ARHGEF1: variants seen among roughly 807,000 people sequenced by gnomAD.
The protein encoded by ARHGEF1 is Rho guanine nucleotide exchange factor 1, also known as 115 kDa guanine nucleotide exchange factor.
Under a neutral mutation model 119.7 loss-of-function variants are expected in ARHGEF1, and 40 were observed. The observed-to-expected ratio is 0.33, with a 90% confidence interval of 0.26 to 0.44. The LOEUF (loss-of-function observed/expected upper bound fraction) is 0.44. Among genes scored for constraint, ARHGEF1 ranks in the 20% least tolerant of loss-of-function variants. ARHGEF1 has a pLI of 1.00. For synonymous variants in ARHGEF1, 494 were observed against 521.0 expected, an observed-to-expected ratio of 0.95 and a Z score of 0.71; for missense variants, 976 against 1,268.3, an observed-to-expected ratio of 0.77 and a Z score of 3.50.
chr19:41,905,525 A>C lies in ARHGEF1; in HGVS notation c.2337-235A>C, dbSNP rs767130033. 5 of 615,022 alleles carry C rather than the reference A, an allele frequency of 8.1e-6. No individual in the cohort carries two copies. The Admixed American group carries it at 1.5e-4, about 18-fold the overall frequency. 38.1% of individuals were successfully genotyped at this position (615,022 alleles called of 1,614,324 possible). ...TGTGCATGCGTGTGACAGCATGTGC[A>C]TGCATGTGTGTGTGTGTGCGCATGT... On this transcript the variant is annotated intron_variant, in intron 24 of 28. Transcript: ENST00000354532. This position sits in a 1 kb window ranked among gnomAD's most constrained non-coding sequence, Gnocchi z 6.4.
chr19:41,898,046 T>A, intron 13 of ARHGEF1: 1 of 1,340,508 alleles, frequency 7.5e-7, no homozygotes, highest in East Asian at 3.0e-5. Flanking sequence ...TGGGGGCCGC[T>A]CCCGGAGCGA....
chr19:41,906,900 T>G lies in ARHGEF1; in HGVS notation c.*17+97T>G. ...AGCCCCTTCTGTCCATCTCCCTCTT[T>G]GTCTTTTCTGAATCTCCCCACTCCA... On this transcript the variant is annotated intron_variant, in intron 28 of 28. Transcript: ENST00000354532. The surrounding 1 kb of genome is among the most constrained non-coding windows in gnomAD (Gnocchi z 4.5). 1 of 1,050,776 alleles carries G rather than the reference T, an allele frequency of 9.5e-7. No homozygotes were observed. 65.1% of individuals were successfully genotyped at this position (1,050,776 alleles called of 1,614,324 possible).
At chr19:41,908,124 TG>T, downstream of ARHGEF1, 1 of 920,486 alleles carries the variant, frequency 1.1e-6, no homozygotes, top group Non-Finnish European at 1.4e-6. This position sits in a 1 kb window ranked among gnomAD's most constrained non-coding sequence, Gnocchi z 6.7. Flanking sequence ...TGCCCAGACC[TG>T]GGAGGTGCTG....
intron 1 of ARHGEF1, among the ~76,000 whole-genome samples, chr19:41,886,490 A>G (rs1555845277): frequency 6.6e-6 from 1 of 152,036 alleles, no homozygotes; most frequent in East Asian, 1.9e-4. Context: ...TGTGTTCCCC[A>G]GGCTGGTCTC....
intron 1 of ARHGEF1, among the ~76,000 whole-genome samples, chr19:41,927,064 T>C (rs1484943410): frequency 3.3e-5 from 5 of 149,266 alleles, no homozygotes; most frequent in South Asian, 2.1e-4. Context: ...GTCTTAAGAG[T>C]TGGACCCAAA....
In ARHGEF1 at chr19:41,901,892, C is replaced by T. The variant is rs1555849065; in HGVS notation, c.1273C>T (p.Leu425=). The T allele has an allele frequency of 6.2e-7, 1 of 1,610,092 alleles. No individual in the cohort carries two copies. Among genetic ancestry groups the T allele is most frequent in the Middle Eastern group, 1.9e-4 (1 of 5,398 alleles). Reference sequence around the variant, plus strand: ...CTGCTTTGGTGGCCCTGCAGAGCTGCTGGTGACAGAGGCGGCCCACGTGCG... The same window carrying T: ...CTGCTTTGGTGGCCCTGCAGAGCTGTTGGTGACAGAGGCGGCCCACGTGCG... The part of the protein sequence containing the change: ...VKRQEVISEL[L]VTEAAHVRML... Residue 425 remains leucine (L), a synonymous_variant, in exon 15 of 29, where the codon CTG becomes TTG. Coordinates refer to ENST00000354532, the MANE Select transcript of ARHGEF1 (RefSeq NM_004706.4).
chr19:41,912,112 C>G (rs906398301), downstream of ARHGEF1, among the ~76,000 whole-genome samples: 1 of 152,172 alleles, frequency 6.6e-6, no homozygotes, highest in East Asian at 1.9e-4. Context: ...GCCCCCATCC[C>G]AAAATGCGGA....
rs376080250 is a variant in ARHGEF1, at chr19:41,906,448, C to T, written c.2492-9C>T. The T allele has an allele frequency of 1.0e-5, 16 of 1,551,674 alleles. No individual in the cohort carries two copies. The highest frequency in any genetic ancestry group is 1.4e-5 in the Non-Finnish European group (16 of 1,155,470). ...TCTCCTGACTCCACCCCTCCTTGCC[C>T]CTGGCCAGTGCTGTCCCTGAAGCAG... On this transcript the variant is annotated splice_polypyrimidine_tract_variant and intron_variant, in intron 26 of 28. Transcript: ENST00000354532. The surrounding 1 kb of genome is among the most constrained non-coding windows in gnomAD (Gnocchi z 4.5).
In ARHGEF1 at chr19:41,905,716, C is replaced by G. The variant is rs2074682954; in HGVS notation, c.2337-44C>G. Reference sequence around the variant, plus strand: ...TCTGTCTCCCTGCCCCTGCGGCCCCCCAGGGCCAGGGGTGTGGGGTCACCC... The same window carrying G: ...TCTGTCTCCCTGCCCCTGCGGCCCCGCAGGGCCAGGGGTGTGGGGTCACCC... On this transcript the variant is annotated intron_variant, in intron 24 of 28. Coordinates refer to ENST00000354532, the MANE Select transcript of ARHGEF1 (RefSeq NM_004706.4). The surrounding 1 kb of genome is among the most constrained non-coding windows in gnomAD (Gnocchi z 6.4). The G allele has an allele frequency of 1.2e-6, 2 of 1,604,368 alleles. No homozygotes were observed. The highest frequency in any genetic ancestry group is 4.5e-5 in the East Asian group (2 of 44,810).
upstream of ARHGEF1, among the ~76,000 whole-genome samples, chr19:41,921,596 G>A (rs1555852497): frequency 6.6e-6 from 1 of 152,088 alleles, no homozygotes; most frequent in African/African-American, 2.4e-5. The surrounding 1 kb of genome is among the most constrained non-coding windows in gnomAD (Gnocchi z 4.4). Flanking sequence ...TTAGAAAGCT[G>A]GAGGTCACGG....
chr19:41,929,089 G>A (rs1167396910), intron 2 of ARHGEF1: 1 of 316,660 alleles, frequency 3.2e-6, no homozygotes, highest in African/African-American at 2.2e-5. Flanking sequence ...GCACACACAT[G>A]CGGACCGTAA....
chr19:41,906,119 C>T lies in ARHGEF1; in HGVS notation c.2491+94C>T, dbSNP rs1018697966. 3.4e-5 allele frequency: 43 copies of T among 1,247,622 alleles called. No individual in the cohort carries two copies. The South Asian group carries it at 4.8e-4, about 14-fold the overall frequency. The allele number at this position is 1,247,622 out of a possible 1,614,324, so 77.3% of individuals were successfully genotyped here. ...GCTCTCCACGTCAAAAATTTCCTTA[C>T]GCCCAGCTGCCAGAAAACAAATGCT... is the stretch of plus-strand genomic sequence containing the variant. On this transcript the variant is annotated intron_variant, in intron 26 of 28. Transcript: ENST00000354532. The surrounding 1 kb of genome is among the most constrained non-coding windows in gnomAD (Gnocchi z 4.5).
intron 1 of ARHGEF1, among the ~76,000 whole-genome samples, chr19:41,884,187 G>A (rs1199186937): frequency 6.6e-6 from 1 of 152,202 alleles, no homozygotes; most frequent in Non-Finnish European, 1.5e-5. Context: ...GCGGGGCGGG[G>A]CCCGGGGAGT....
chr19:41,902,315 G>T lies in ARHGEF1; in HGVS notation c.1456G>T (p.Gly486Cys), dbSNP rs1233523618. The change falls in exon 16 of 29, where the codon GGC (glycine) becomes TGC (cysteine). Residue 486 changes from glycine to cysteine, a missense_variant. Gly to Cys is a radical substitution (Grantham distance 159). Around this residue, in one of 3 missense-constraint regions of ARHGEF1, gnomAD observed 286 missense variants for 506.8 expected, o/e 0.56. Coordinates refer to ENST00000354532, the MANE Select transcript of ARHGEF1 (RefSeq NM_004706.4). The surrounding 1 kb of genome is among the most constrained non-coding windows in gnomAD (Gnocchi z 6.5). ...CCTGATGAAGCGGAGGCAGGAGAGT[G>T]GCTACCTCATCGAGGAGATCGGAGA... is the stretch of plus-strand genomic sequence containing the variant. ...DRLMKRRQES[G>C]YLIEEIGDVL... 2.5e-6 allele frequency: 4 copies of T among 1,614,040 alleles called. No homozygotes were observed. The African/African-American group carries it at 4.0e-5, about 16-fold the overall frequency.
At chr19:41,908,401 G>A (rs901377675), downstream of ARHGEF1, 130 of 1,231,146 alleles carry the variant, frequency 1.1e-4, no homozygotes, top group Non-Finnish European at 1.2e-4. This position sits in a 1 kb window ranked among gnomAD's most constrained non-coding sequence, Gnocchi z 6.7. Flanking sequence ...AGCGCCAGGC[G>A]AGGGGCCGCT....
intron 14 of ARHGEF1, among the ~76,000 whole-genome samples, 198 bp downstream of exon 14, chr19:41,898,785 G>A (rs568251357): frequency 6.6e-6 from 1 of 152,338 alleles, no homozygotes; most frequent in South Asian, 2.1e-4. Flanking sequence ...ATGCCACTGT[G>A]GAAGGGACAT....
chr19:41,905,893 A>C lies in ARHGEF1; in HGVS notation c.2405-46A>C, dbSNP rs2074686780. 6.2e-7 allele frequency: 1 copy of C among 1,612,804 alleles called. No individual in the cohort carries two copies. Among genetic ancestry groups the C allele is most frequent in the East Asian group, 2.2e-5 (1 of 44,872 alleles). ...CTGCCGGGTGAAGAGAGGCATCCAC[A>C]GGAGGCCCGGCAGGATCTGAGCTCC... On this transcript the variant is annotated intron_variant, in intron 25 of 28. Coordinates refer to ENST00000354532, the MANE Select transcript of ARHGEF1 (RefSeq NM_004706.4). The surrounding 1 kb of genome is among the most constrained non-coding windows in gnomAD (Gnocchi z 6.4).
intron 1 of ARHGEF1, among the ~76,000 whole-genome samples, chr19:41,927,461 C>A (rs1191394855): frequency 1.3e-5 from 2 of 152,050 alleles, no homozygotes; most frequent in Non-Finnish European, 2.9e-5. Context: ...ACTTCTGGCC[C>A]CCTCAAGTCC....
At position 41,904,206 on chromosome 19, in the gene ARHGEF1, C is replaced by T. The variant is rs782657156; in HGVS notation, c.1994-10C>T. ...GGGGGCACGCCGTGTGAGCACTGCT[C>T]GCCCCGTAGAGGTGCATGTGCTGCT... On this transcript the variant is annotated splice_polypyrimidine_tract_variant and intron_variant, in intron 21 of 28. Transcript: ENST00000354532. This position sits in a 1 kb window ranked among gnomAD's most constrained non-coding sequence, Gnocchi z 8.4. The T allele has an allele frequency of 3.3e-5, 54 of 1,613,240 alleles. No homozygotes were observed. The highest frequency in any genetic ancestry group is 2.8e-4 in the Admixed American group (17 of 59,964).
Sources: allele counts gnomAD v4.1 joint callset (sites outside exome capture counted in the v4.1 genomes callset), GRCh38; gene constraint gnomAD v4.1.1; regional missense constraint gnomAD v4.1.1; non-coding constraint Gnocchi (gnomAD v3.1); transcripts MANE v1.5; gene names NCBI Gene and HGNC (gene_info 2026-07-23, HGNC 2026-07-21).